Variants in MICOS10 observed in about 807,000 individuals in gnomAD.
MICOS10 encodes mitochondrial contact site and cristae organizing system subunit 10, also known as MICOS complex subunit MIC10.
Under a neutral mutation model 13.4 loss-of-function variants are expected in MICOS10, and 5 were observed. The observed-to-expected ratio is 0.37, with a 90% confidence interval of 0.20 to 0.78. MICOS10 has a LOEUF of 0.78. Among genes scored for constraint, MICOS10 ranks in the 30% least tolerant of loss-of-function variants. The pLI, the probability that MICOS10 is intolerant of heterozygous loss-of-function variation, is 0.47. For synonymous variants in MICOS10, 35 were observed against 33.6 expected, an observed-to-expected ratio of 1.04 and a Z score of -0.15; for missense variants, 101 against 94.6, an observed-to-expected ratio of 1.07 and a Z score of -0.28.
chr1:19,620,081 G>T (rs1280546655), intron 1 of MICOS10, among the ~76,000 whole-genome samples: 2 of 152,254 alleles, frequency 1.3e-5, no homozygotes, highest in Non-Finnish European at 2.9e-5. Flanking sequence ...GGTGAAAAAT[G>T]CTTTGTACTT....
At chr1:19,605,983 G>A (rs758462796) in intron 1 of MICOS10, among the ~76,000 whole-genome samples, 3 of 152,196 alleles carry the variant, frequency 2.0e-5, no homozygotes, top group Admixed American at 6.5e-5. Flanking sequence ...GAAAAGTGAC[G>A]TGGTTGAATT....
chr1:19,619,230 C>T (rs977558452), intron 1 of MICOS10, among the ~76,000 whole-genome samples: 1 of 152,196 alleles, frequency 6.6e-6, no homozygotes, highest in African/African-American at 2.4e-5. Context: ...GACTACAGCT[C>T]ATTCTGTTAG....
In MICOS10 at chr1:19,603,956, G is replaced by T. The variant is rs373942791; in HGVS notation, c.64+6847G>T. ...CAACAGTGATTTCCGTTAGTAGCAAGAAAAAAGGCAAGCCATGGACATTTA... is the reference window on the plus strand; with the variant it reads ...CAACAGTGATTTCCGTTAGTAGCAATAAAAAAGGCAAGCCATGGACATTTA... On this transcript the variant is annotated intron_variant, in intron 1 of 3. Coordinates refer to ENST00000322753, the MANE Select transcript of MICOS10 (RefSeq NM_001032363.4). 1.8e-4 allele frequency among the ~76,000 whole-genome samples: 28 copies of T among 152,228 alleles called. No individual in the cohort carries two copies. The South Asian group carries it at 5.0e-3, about 27-fold the overall frequency.
Position 19,629,748 on chromosome 1 carries a change from G to A in MICOS10, c.*3347G>A, listed in dbSNP as rs1378028202. The A allele has an allele frequency of 6.6e-6, 1 of 152,200 alleles. No individual in the cohort carries two copies. Among genetic ancestry groups the A allele is most frequent in the African/African-American group, 2.4e-5 (1 of 41,444 alleles). The allele number at this position is 152,200 out of a possible 1,614,324, so 9.4% of individuals were successfully genotyped here. A position where few individuals can be genotyped will look rare whatever the true frequency, so the allele number is the denominator to read the frequency against. ...CCATAATTGCATTTTACTTGTCGTG[G>A]TTCGATCTGATTGTATTGTCGAAGG... On this transcript the variant is annotated 3_prime_UTR_variant, in exon 4 of 4. Transcript: ENST00000322753.
At position 19,608,203 on chromosome 1, in the gene MICOS10, C is replaced by T. The variant is rs1214731034; in HGVS notation, c.64+11094C>T. On this transcript the variant is annotated intron_variant, in intron 1 of 3. Coordinates refer to ENST00000322753, the MANE Select transcript of MICOS10 (RefSeq NM_001032363.4). ...CTGAAGGGGAGAATGTATTTGGTGT[C>T]TGCCATATCTTTGCATCCTTCAATG... 3 of 1,412,866 alleles carry T rather than the reference C, an allele frequency of 2.1e-6. No homozygotes were observed. In the East Asian group the frequency reaches 6.8e-5, roughly 32 times the overall value. 87.5% of individuals were successfully genotyped at this position (1,412,866 alleles called of 1,614,324 possible).
chr1:19,604,992 C>T (rs1193088722), intron 1 of MICOS10, among the ~76,000 whole-genome samples: 1 of 152,172 alleles, frequency 6.6e-6, no homozygotes, highest in Non-Finnish European at 1.5e-5. Context: ...AGGCACGGTG[C>T]TGAGCATGTT....
Position 19,615,707 on chromosome 1 carries a change from G to A in MICOS10, c.65-6393G>A, listed in dbSNP as rs957099958. ...CCCACCTCAGCCCCCCACCGCCCCC[G>A]AGTAGAGCTGGGACTACAGGCATAT... On this transcript the variant is annotated intron_variant, in intron 1 of 3. Transcript: ENST00000322753. 2.0e-4 allele frequency among the ~76,000 whole-genome samples: 15 copies of A among 75,504 alleles called. 1 individual carries two copies. The highest frequency in any genetic ancestry group is 4.3e-4 in the African/African-American group (9 of 20,782). 49.5% of individuals were successfully genotyped at this position (75,504 alleles called of 152,430 possible). A position where few individuals can be genotyped will look rare whatever the true frequency, so the allele number is the denominator to read the frequency against.
At chr1:19,600,496 CAG>C (rs1356701687) in intron 1 of MICOS10, among the ~76,000 whole-genome samples, 1 of 152,168 alleles carries the variant, frequency 6.6e-6, no homozygotes, top group Non-Finnish European at 1.5e-5. Context: ...GATGGAGACT[CAG>C]GGAATGGCAG....
chr1:19,609,035 T>G (rs945647783), intron 1 of MICOS10, among the ~76,000 whole-genome samples: 1 of 131,800 alleles, frequency 7.6e-6, no homozygotes, highest in Non-Finnish European at 1.6e-5. Flanking sequence ...AGATGGGATC[T>G]CACTCTGTCG....
intron 1 of MICOS10, among the ~76,000 whole-genome samples, chr1:19,603,894 G>A (rs2094825330): frequency 6.6e-6 from 1 of 152,144 alleles, no homozygotes; most frequent in African/African-American, 2.4e-5. Context: ...AGAGTTTCCT[G>A]GAAAAGACTG....
At chr1:19,610,926 G>T (rs886846742) in intron 1 of MICOS10, among the ~76,000 whole-genome samples, 2 of 151,788 alleles carry the variant, frequency 1.3e-5, no homozygotes, top group Non-Finnish European at 2.9e-5. Flanking sequence ...AAATTCATTT[G>T]CTGTAGGAAT....
At chr1:19,608,378 G>T in intron 1 of MICOS10, 1 of 1,252,764 alleles carries the variant, frequency 8.0e-7, no homozygotes, top group Non-Finnish European at 1.2e-6. Context: ...CAAGGAGCTG[G>T]GTATCATTGC....
Position 19,628,683 on chromosome 1 carries a change from A to AG in MICOS10, c.*2282_*2283insG, listed in dbSNP as rs2094929689. 1 of 148,726 alleles carries AG rather than the reference A, an allele frequency of 6.7e-6. No homozygotes were observed. Among genetic ancestry groups the AG allele is most frequent in the African/African-American group, 2.5e-5 (1 of 40,394 alleles). 9.2% of individuals were successfully genotyped at this position (148,726 alleles called of 1,614,324 possible). ...GCGACAGAGCGAGAATCTGTCTCAAAAAAAAAAAAAAAAAAAAAGCATTTT... is the reference window on the plus strand; with the variant it reads ...GCGACAGAGCGAGAATCTGTCTCAAAGAAAAAAAAAAAAAAAAAAGCATTTT... On this transcript the variant is annotated 3_prime_UTR_variant, in exon 4 of 4. Coordinates refer to ENST00000322753, the MANE Select transcript of MICOS10 (RefSeq NM_001032363.4).
rs2094794682 is a variant in MICOS10, at chr1:19,597,118, C to T, written c.64+9C>T. On this transcript the variant is annotated intron_variant, in intron 1 of 3. Transcript: ENST00000322753. The stretch of plus-strand genomic sequence containing the variant: ...TGCGGTCGTGAAGATAGGTAAGGGG[C>T]TTTTCGCCCCAGCAGGCCCGGCCGG... The T allele has an allele frequency of 3.8e-6, 6 of 1,599,438 alleles. No individual in the cohort carries two copies. The East Asian group carries it at 9.4e-5, about 25-fold the overall frequency.
chr1:19,618,287 T>TTTAG (rs1446068517), intron 1 of MICOS10, among the ~76,000 whole-genome samples: 4 of 145,096 alleles, frequency 2.8e-5, no homozygotes, highest in African/African-American at 1.1e-4. Flanking sequence ...TATTTATTTA[T>TTTAG]TATTATTATT....
At chr1:19,608,876 C>T (rs2094846634) in intron 1 of MICOS10, among the ~76,000 whole-genome samples, 1 of 151,684 alleles carries the variant, frequency 6.6e-6, no homozygotes, top group African/African-American at 2.4e-5. Context: ...AAGGTTCCCC[C>T]CCACCCATAG....
At chr1:19,612,713 G>A (rs754427177) in intron 1 of MICOS10, among the ~76,000 whole-genome samples, 10 of 152,042 alleles carry the variant, frequency 6.6e-5, no homozygotes, top group Non-Finnish European at 1.0e-4. Context: ...ACACAGTGCC[G>A]CTGTACTATC....
chr1:19,621,980 A>T (rs2094905241), intron 1 of MICOS10, 120 bp from the exon 2 acceptor site: 1 of 745,486 alleles, frequency 1.3e-6, no homozygotes, highest in East Asian at 2.8e-5. Context: ...TAGAAAATTA[A>T]TTCTCTACCA....
intron 1 of MICOS10, among the ~76,000 whole-genome samples, chr1:19,607,125 G>T (rs2094838199): frequency 2.0e-5 from 3 of 152,142 alleles, no homozygotes; most frequent in Admixed American, 2.0e-4. Flanking sequence ...TATTGGTTTG[G>T]GTTTTAAATT....
Sources: gnomAD v4.1 joint callset for allele counts (sites outside exome capture counted in the v4.1 genomes callset) on GRCh38, gnomAD v4.1.1 for gene constraint, MANE v1.5 for transcripts, NCBI Gene and HGNC (gene_info 2026-07-23, HGNC 2026-07-21) for gene names.